The following SUCO variants were observed in gnomAD, a reference collection of about 807,000 sequenced individuals.
SUCO encodes the protein SUN domain containing ossification factor, also known as SUN domain-containing ossification factor.
A neutral mutation model predicts 148.1 loss-of-function variants in SUCO; 57 were observed. The observed-to-expected ratio is 0.38, with a 90% CI of 0.31 to 0.48. The LOEUF is 0.48. Ranked by LOEUF, SUCO falls within the 20% of genes least tolerant of loss-of-function variation. The pLI, the probability that SUCO is intolerant of heterozygous loss-of-function variation, is 0.96. For synonymous variants in SUCO, 470 were observed against 502.7 expected (o/e 0.93, Z 0.87); for missense variants, 1,331 against 1,468.2 (o/e 0.91, Z 1.53).
intron 9 of SUCO, among the ~76,000 whole-genome samples, chr1:172,571,749 C>T (rs12743647): frequency 0.17 from 3,271 of 18,846 alleles, 386 homozygotes; most frequent in South Asian, 0.25. Flanking sequence ...TACCCGGGCG[C>T]GACCCCGTCT....
At position 172,553,304 on chromosome 1, in the gene SUCO, A is replaced by T; in HGVS notation, c.222A>T (p.Ser74=). 6.2e-7 allele frequency: 1 copy of T among 1,603,782 alleles called. No individual in the cohort carries two copies. Among genetic ancestry groups the T allele is most frequent in the Non-Finnish European group, 8.5e-7 (1 of 1,173,302 alleles). The change falls in exon 3 of 24, where the codon TCA becomes TCT. Residue 74 remains serine (S), a synonymous_variant. Coordinates refer to ENST00000263688, the MANE Select transcript of SUCO (RefSeq NM_014283.5). ...TCAATGCCGAATCATTGGGAAAATC[A>T]GGTTCAAATTTACCTATTTCTCCAA... The part of the protein sequence containing the change: ...GPINAESLGK[S]GSNLPISPKE...
At chr1:172,600,401 A>G (rs900821279) in intron 20 of SUCO, among the ~76,000 whole-genome samples, 3 of 152,234 alleles carry the variant, frequency 2.0e-5, no homozygotes, top group African/African-American at 7.2e-5. Context: ...TATAGGTATA[A>G]AACTTCTAGC....
chr1:172,600,079 G>A lies in SUCO; in HGVS notation c.2929G>A (p.Glu977Lys), dbSNP rs755593900. 3 of 1,604,332 alleles carry A rather than the reference G, an allele frequency of 1.9e-6. No homozygotes were observed. The South Asian group carries it at 3.4e-5, about 18-fold the overall frequency. The change falls in exon 20 of 24, where the codon GAA becomes AAA. Residue 977 changes from glutamate to lysine, a missense_variant. Physicochemically the swap from Glu to Lys is moderately conservative, Grantham distance 56 (BLOSUM62 1). This residue lies in a region of SUCO where 334 missense variants were observed against 352.3 expected (regional missense o/e 0.95). Transcript: ENST00000263688. ...TTTATCATAGGATCAGCGGCAAACT[G>A]AAGCCATCCAGTTGCTACAGGCACA... ...IAEEQDQRQT[E>K]AIQLLQAQLT...
chr1:172,595,325 A>ATTAT (rs2149265332), intron 19 of SUCO, among the ~76,000 whole-genome samples: 1 of 152,248 alleles, frequency 6.6e-6, no homozygotes, highest in South Asian at 2.1e-4. Context: ...TGTCATTATG[A>ATTAT]TGTTAGCTGG....
Position 172,589,297 on chromosome 1 carries a change from T to C in SUCO, c.2196T>C (p.Ser732=). 1.2e-6 allele frequency: 2 copies of C among 1,613,542 alleles called. No individual in the cohort carries two copies. Among genetic ancestry groups the C allele is most frequent in the Non-Finnish European group, 1.7e-6 (2 of 1,179,778 alleles). Residue 732 remains serine (S), a synonymous_variant, in exon 18 of 24, where the codon TCT becomes TCC. Coordinates refer to ENST00000263688, the MANE Select transcript of SUCO (RefSeq NM_014283.5). ...EPSHSQTLSQ[S]LLLDITPEIN... Reference sequence around the variant, plus strand: ...GCCATTCTCAAACTCTTTCTCAGTCTCTTCTTTTAGATATTACCCCAGAAA... The same window carrying C: ...GCCATTCTCAAACTCTTTCTCAGTCCCTTCTTTTAGATATTACCCCAGAAA...
intron 19 of SUCO, among the ~76,000 whole-genome samples, chr1:172,592,669 T>G (rs374426215): frequency 2.6e-5 from 4 of 152,116 alleles, no homozygotes; most frequent in South Asian, 2.1e-4. Flanking sequence ...ATGCTGTTTT[T>G]GTTACTGTAG....
chr1:172,569,217 T>C (rs1654769715), intron 7 of SUCO, 75 bp downstream of exon 7: 1 of 1,253,086 alleles, frequency 8.0e-7, no homozygotes, highest in Non-Finnish European at 1.1e-6. Flanking sequence ...CTTTTTTTGA[T>C]TGGTAAAACA....
chr1:172,533,880 G>T (rs768468655), intron 1 of SUCO, among the ~76,000 whole-genome samples: 1 of 152,166 alleles, frequency 6.6e-6, no homozygotes, highest in East Asian at 1.9e-4. Flanking sequence ...GTGGTAAGGG[G>T]ATAAAGCACG....
At chr1:172,582,071 A>G (rs1655917842) in intron 15 of SUCO, among the ~76,000 whole-genome samples, 1 of 152,112 alleles carries the variant, frequency 6.6e-6, no homozygotes, top group African/African-American at 2.4e-5. Flanking sequence ...GTTCTTTGTC[A>G]TGTGAATTTG....
At chr1:172,581,003 C>T (rs1231084349) in intron 15 of SUCO, among the ~76,000 whole-genome samples, 1 of 151,856 alleles carries the variant, frequency 6.6e-6, no homozygotes, top group South Asian at 2.1e-4. Flanking sequence ...CCAGAGCTGA[C>T]GCAGGAGAAT....
intron 7 of SUCO, 178 bp downstream of exon 7, chr1:172,569,320 A>G (rs1029816542): frequency 1.3e-5 from 11 of 854,466 alleles, no homozygotes; most frequent in Non-Finnish European, 1.4e-5. Flanking sequence ...ATATAATTAC[A>G]TACAGTTTTA....
intron 1 of SUCO, among the ~76,000 whole-genome samples, chr1:172,535,985 A>C (rs1651983165): frequency 6.6e-6 from 1 of 152,140 alleles, no homozygotes; most frequent in African/African-American, 2.4e-5. Flanking sequence ...TTTTTGATCA[A>C]GTAGTATAGA....
At chr1:172,535,616 A>C (rs1651954928) in intron 1 of SUCO, among the ~76,000 whole-genome samples, 1 of 152,238 alleles carries the variant, frequency 6.6e-6, no homozygotes, top group Non-Finnish European at 1.5e-5. Context: ...AATGGCTACC[A>C]ACAAGTCCTA....
intron 1 of SUCO, among the ~76,000 whole-genome samples, chr1:172,544,958 G>A (rs894207814): frequency 6.6e-6 from 1 of 152,194 alleles, no homozygotes; most frequent in Non-Finnish European, 1.5e-5. Flanking sequence ...CTAGGTAAGA[G>A]ATAAGGGCTT....
At chr1:172,543,062 A>G in intron 1 of SUCO, 1 of 965,834 alleles carries the variant, frequency 1.0e-6, no homozygotes, top group Admixed American at 6.2e-5. Flanking sequence ...GTTAACATGT[A>G]GAGTAGCTTC....
At chr1:172,602,933 T>C in intron 22 of SUCO, 146 bp downstream of exon 22, 1 of 663,246 alleles carries the variant, frequency 1.5e-6, no homozygotes. Context: ...CAAGCCACTT[T>C]ATCATTTTCA....
chr1:172,597,477 C>T (rs575520681), intron 19 of SUCO, among the ~76,000 whole-genome samples: 80 of 152,268 alleles, frequency 5.3e-4, no homozygotes, highest in Admixed American at 1.4e-3. Context: ...TAAATAGAAA[C>T]ATAGAGGACT....
At chr1:172,532,402 G>A, upstream of SUCO, 1 of 1,209,416 alleles carries the variant, frequency 8.3e-7, no homozygotes, top group South Asian at 1.5e-5. Context: ...TTAAAGTGAG[G>A]AACCCGGCAA....
At position 172,550,954 on chromosome 1, in the gene SUCO, G is replaced by A. The variant is rs1571194085; in HGVS notation, c.63-558G>A. The stretch of plus-strand genomic sequence containing the variant: ...AATAATTGTGGTATATTTCTCCTTT[G>A]GTATGTTCCTAGAGACTTTCTTTTT... On this transcript the variant is annotated intron_variant, in intron 1 of 23. Coordinates refer to ENST00000263688, the MANE Select transcript of SUCO (RefSeq NM_014283.5). The A allele has an allele frequency of 6.2e-6, 5 of 800,126 alleles. No individual in the cohort carries two copies. In the African/African-American group the frequency reaches 9.4e-5, roughly 15 times the overall value. The allele number at this position is 800,126 out of a possible 1,614,324, so 49.6% of individuals were successfully genotyped here.
Sources: allele counts gnomAD v4.1 joint callset (sites outside exome capture counted in the v4.1 genomes callset), GRCh38; gene constraint gnomAD v4.1.1; regional missense constraint gnomAD v4.1.1; transcripts MANE v1.5; gene names NCBI Gene and HGNC (gene_info 2026-07-23, HGNC 2026-07-21).